The following LRP1B variants were observed in gnomAD, a reference collection of about 807,000 sequenced individuals.
LRP1B encodes low-density lipoprotein receptor-related protein 1B.
In LRP1B, 217 loss-of-function variants were observed where a neutral mutation model predicts 556.6. That is an observed-to-expected ratio of 0.39 (90% confidence interval 0.35 to 0.44). The LOEUF (loss-of-function observed/expected upper bound fraction) is 0.44, where lower values mean the gene tolerates loss of function less well. Among genes scored for constraint, LRP1B ranks in the 20% least tolerant of loss-of-function variants. The pLI, the probability that LRP1B is intolerant of heterozygous loss-of-function variation, is 1.00. For missense variants in LRP1B, 5,053 were observed against 5,620.8 expected (o/e 0.90, Z 3.23); for synonymous variants, 2,047 against 1,865.8 (o/e 1.10, Z -2.50).
chr2:141,775,623 G>A (rs1024443615), intron 2 of LRP1B, among the ~76,000 whole-genome samples: 1 of 152,160 alleles, frequency 6.6e-6, no homozygotes, highest in Non-Finnish European at 1.5e-5. Context: ...TGGTGGCAGA[G>A]TGGAGTGAAC....
chr2:141,453,274 G>A (rs1461224357), intron 3 of LRP1B, among the ~76,000 whole-genome samples: 2 of 151,962 alleles, frequency 1.3e-5, no homozygotes, highest in African/African-American at 4.8e-5. Flanking sequence ...AATGTCTGAG[G>A]ATTTCAATAA....
At chr2:140,812,008 T>C (rs904277859) in intron 32 of LRP1B, among the ~76,000 whole-genome samples, 2 of 152,000 alleles carry the variant, frequency 1.3e-5, no homozygotes, top group African/African-American at 4.8e-5. Flanking sequence ...AGAAAAACTA[T>C]TTAAAAAAAC....
intron 2 of LRP1B, among the ~76,000 whole-genome samples, chr2:141,750,941 C>T (rs915667411): frequency 6.6e-6 from 1 of 151,980 alleles, no homozygotes; most frequent in African/African-American, 2.4e-5. Flanking sequence ...AAAACCTTTA[C>T]AGTATGTATC....
chr2:141,841,837 C>T (rs561096848), intron 1 of LRP1B, among the ~76,000 whole-genome samples: 1 of 152,248 alleles, frequency 6.6e-6, no homozygotes, highest in East Asian at 1.9e-4. Flanking sequence ...AATAACTACA[C>T]TGTGTTAAGA....
At chr2:141,235,496 G>C (rs892792379) in intron 5 of LRP1B, among the ~76,000 whole-genome samples, 5 of 152,010 alleles carry the variant, frequency 3.3e-5, no homozygotes, top group African/African-American at 9.7e-5. Context: ...GTTGGTATTC[G>C]GTCTCAGCCT....
intron 1 of LRP1B, among the ~76,000 whole-genome samples, chr2:141,961,531 C>A (rs1701404326): frequency 1.3e-5 from 2 of 151,686 alleles, no homozygotes; most frequent in South Asian, 4.1e-4. Context: ...AATAGCTCAA[C>A]AGAGTGTATT....
At chr2:141,759,730 G>A (rs1488039103) in intron 2 of LRP1B, among the ~76,000 whole-genome samples, 1 of 152,066 alleles carries the variant, frequency 6.6e-6, no homozygotes, top group Non-Finnish European at 1.5e-5. Context: ...TATAATGGAT[G>A]GTCTTTTAAA....
intron 2 of LRP1B, among the ~76,000 whole-genome samples, chr2:141,544,304 C>CTTCTTCTTCTTCTTCTTCTT (rs1559130799): frequency 1.6e-3 from 15 of 9,334 alleles, no homozygotes; most frequent in South Asian, 0.017. Context: ...CACTCTTCTT[C>CTTCTTCTTCTTCTTCTTCTT]TTCTTCTTCT....
chr2:141,424,402 G>A (rs571264487), intron 3 of LRP1B, among the ~76,000 whole-genome samples: 8 of 152,130 alleles, frequency 5.3e-5, no homozygotes, highest in Non-Finnish European at 7.4e-5. Context: ...ATGAGCCACC[G>A]CACCCGGCCT....
intron 2 of LRP1B, among the ~76,000 whole-genome samples, chr2:141,526,962 G>GC (rs1684711633): frequency 6.6e-6 from 1 of 152,054 alleles, no homozygotes; most frequent in Non-Finnish European, 1.5e-5. Context: ...TGCAATCTCA[G>GC]CATTTCAGAT....
intron 58 of LRP1B, 94 bp downstream of exon 58, chr2:140,487,523 T>A (rs2105366267): frequency 1.7e-6 from 2 of 1,208,466 alleles, no homozygotes; most frequent in South Asian, 1.3e-5. Flanking sequence ...ATGCATTTTA[T>A]GAGTAATATC....
chr2:140,534,151 A>G lies in LRP1B; in HGVS notation c.7643-11T>C. 6.2e-7 allele frequency: 1 copy of G among 1,607,574 alleles called. No individual in the cohort carries two copies. Among genetic ancestry groups the G allele is most frequent in the Non-Finnish European group, 8.5e-7 (1 of 1,176,758 alleles). Reference sequence around the variant, plus strand: ...GACAGCTTCTGTTTTCTTATAAATAAAAGTAGAAACACACAACCAGAGATC... The same window carrying G: ...GACAGCTTCTGTTTTCTTATAAATAGAAGTAGAAACACACAACCAGAGATC... On this transcript the variant is annotated splice_polypyrimidine_tract_variant and intron_variant, in intron 46 of 90. Coordinates refer to ENST00000389484, the MANE Select transcript of LRP1B (RefSeq NM_018557.3).
At chr2:140,727,466 C>T (rs570419537) in intron 35 of LRP1B, among the ~76,000 whole-genome samples, 2 of 152,244 alleles carry the variant, frequency 1.3e-5, no homozygotes, top group East Asian at 3.9e-4. Context: ...TATGAAAGTT[C>T]TAGGAATTGA....
chr2:142,083,994 T>G lies in LRP1B; in HGVS notation c.82+46654A>C, dbSNP rs536700246. On this transcript the variant is annotated intron_variant, in intron 1 of 90. Transcript: ENST00000389484. ...TATTTTCTCTATGCCTTTTTTTTTTTTTTGAGATGGAGTCTCATTCTGTCT... is the reference window on the plus strand; with the variant it reads ...TATTTTCTCTATGCCTTTTTTTTTTGTTTGAGATGGAGTCTCATTCTGTCT... 7.7e-3 allele frequency among the ~76,000 whole-genome samples: 1,174 copies of G among 152,076 alleles called. 20 individuals carry two copies. The highest frequency in any genetic ancestry group is 0.026 in the African/African-American group (1,092 of 41,486).
chr2:140,883,115 A>G (rs753087061), intron 25 of LRP1B, among the ~76,000 whole-genome samples: 7 of 152,172 alleles, frequency 4.6e-5, no homozygotes, highest in Non-Finnish European at 7.3e-5. Flanking sequence ...AGGGAAAAAG[A>G]TACACTTGAT....
At chr2:140,858,749 G>A (rs1186078908) in intron 27 of LRP1B, among the ~76,000 whole-genome samples, 12 of 151,660 alleles carry the variant, frequency 7.9e-5, no homozygotes, top group Admixed American at 2.6e-4. Flanking sequence ...CCCACCCCTC[G>A]ACAGGCCCCA....
chr2:141,756,077 T>C (rs539212084), intron 2 of LRP1B, among the ~76,000 whole-genome samples: 14 of 152,228 alleles, frequency 9.2e-5, no homozygotes, highest in Non-Finnish European at 1.9e-4. Flanking sequence ...AACAAATAGC[T>C]ATTAGTCAAC....
chr2:141,660,128 T>C (rs1690158181), intron 2 of LRP1B, among the ~76,000 whole-genome samples: 2 of 151,326 alleles, frequency 1.3e-5, no homozygotes, highest in South Asian at 4.2e-4. Context: ...AACTGAGGTA[T>C]CCAGGTTCTC....
intron 33 of LRP1B, among the ~76,000 whole-genome samples, chr2:140,772,622 G>A (rs77481945): frequency 6.6e-6 from 1 of 152,122 alleles, no homozygotes; most frequent in East Asian, 1.9e-4. Flanking sequence ...ATTTATAATA[G>A]TTATATACTG....
Sources: gnomAD v4.1 joint callset for allele counts (sites outside exome capture counted in the v4.1 genomes callset) on GRCh38, gnomAD v4.1.1 for gene constraint, MANE v1.5 for transcripts, NCBI Gene and HGNC (gene_info 2026-07-23, HGNC 2026-07-21) for gene names.